The following THSD7B variants were observed in gnomAD, a reference collection of about 807,000 sequenced individuals.
THSD7B encodes thrombospondin type-1 domain-containing protein 7B.
Under a neutral mutation model 213.6 loss-of-function variants are expected in THSD7B, and 138 were observed. The ratio of observed to expected loss-of-function variants is 0.65; its 90% CI spans 0.56 to 0.74. THSD7B has a LOEUF of 0.74. Ranked by LOEUF, THSD7B falls within the 30% of genes least tolerant of loss-of-function variation. The probability of loss-of-function intolerance (pLI) is 0.00; values close to 1 mark genes in which losing one functional copy is unlikely to be tolerated. For synonymous variants in THSD7B, 742 were observed against 687.0 expected, an observed-to-expected ratio of 1.08 and a Z score of -1.25; for missense variants, 1,931 against 1,991.5, an observed-to-expected ratio of 0.97 and a Z score of 0.58.
chr2:137,410,872 G>A (rs1686637840), intron 13 of THSD7B, among the ~76,000 whole-genome samples: 1 of 152,204 alleles, frequency 6.6e-6, no homozygotes, highest in Non-Finnish European at 1.5e-5. Flanking sequence ...TAACAGCAAA[G>A]TTGAATCAAG....
chr2:137,463,926 C>T (rs1415408804), intron 15 of THSD7B, among the ~76,000 whole-genome samples: 1 of 152,070 alleles, frequency 6.6e-6, no homozygotes, highest in East Asian at 1.9e-4. Context: ...CTGACTAAAA[C>T]TGGCTTAAAG....
At position 137,291,193 on chromosome 2, in the gene THSD7B, AC is replaced by A. The variant is rs532958214; in HGVS notation, c.2500+15168del. ...TAACCTGGAAATCTTACCTTTCTTA[AC>A]TTGTTGGAATCCTATGTCCTGTCCT... On this transcript the variant is annotated intron_variant, in intron 12 of 27. Coordinates refer to ENST00000409968, the MANE Select transcript of THSD7B (RefSeq NM_001316349.2). Among the ~76,000 whole-genome samples the A allele has an allele frequency of 5.6e-4, 85 of 152,154 alleles. No homozygotes were observed. In the East Asian group the frequency reaches 0.014, roughly 26 times the overall value.
At chr2:136,947,574 A>C (rs1684966048) in intron 2 of THSD7B, among the ~76,000 whole-genome samples, 1 of 152,150 alleles carries the variant, frequency 6.6e-6, no homozygotes, top group Non-Finnish European at 1.5e-5. Context: ...AGATTATTCT[A>C]TTTGAAGATT....
chr2:137,627,746 A>G (rs1272887036), intron 20 of THSD7B, among the ~76,000 whole-genome samples: 2 of 152,216 alleles, frequency 1.3e-5, no homozygotes, highest in Admixed American at 1.3e-4. Context: ...TCCACAAAGA[A>G]TGTCACTCAT....
chr2:137,093,429 A>G (rs1356930568), intron 3 of THSD7B, among the ~76,000 whole-genome samples: 2 of 152,198 alleles, frequency 1.3e-5, no homozygotes, highest in African/African-American at 2.4e-5. Flanking sequence ...ACTTTGGCCA[A>G]TTTAAAGTTT....
intron 12 of THSD7B, among the ~76,000 whole-genome samples, chr2:137,292,421 G>A (rs1210757011): frequency 6.6e-6 from 1 of 152,088 alleles, no homozygotes; most frequent in African/African-American, 2.4e-5. Flanking sequence ...TGAAACACTT[G>A]TGTAGACTGA....
intron 17 of THSD7B, among the ~76,000 whole-genome samples, chr2:137,600,728 C>A (rs901044918): frequency 6.6e-6 from 1 of 152,074 alleles, no homozygotes; most frequent in Non-Finnish European, 1.5e-5. Context: ...ACAGAGAGAC[C>A]ATTTCAAAAA....
chr2:137,068,338 T>C (rs1447960495), intron 3 of THSD7B, among the ~76,000 whole-genome samples: 1 of 152,154 alleles, frequency 6.6e-6, no homozygotes, highest in Non-Finnish European at 1.5e-5. Flanking sequence ...AACTCTCATT[T>C]AGTCTTCAAA....
chr2:137,379,150 G>A (rs1293552620), intron 12 of THSD7B, among the ~76,000 whole-genome samples: 1 of 152,096 alleles, frequency 6.6e-6, no homozygotes, highest in Non-Finnish European at 1.5e-5. Flanking sequence ...CCTAAATAAA[G>A]TGTTTCCAGG....
chr2:136,899,166 G>T (rs114966466), intron 2 of THSD7B, among the ~76,000 whole-genome samples: 1 of 152,076 alleles, frequency 6.6e-6, no homozygotes, highest in South Asian at 2.1e-4. Context: ...GAGAGGACCT[G>T]GTTCAAATAG....
chr2:137,225,851 T>C (rs1472982082), intron 7 of THSD7B, among the ~76,000 whole-genome samples: 1 of 149,894 alleles, frequency 6.7e-6, no homozygotes, highest in African/African-American at 2.4e-5. Context: ...GAGACATTAA[T>C]TGTGTTGTTA....
At chr2:137,399,190 C>G (rs1240198417) in intron 12 of THSD7B, among the ~76,000 whole-genome samples, 1 of 123,652 alleles carries the variant, frequency 8.1e-6, no homozygotes, top group Non-Finnish European at 1.7e-5. Context: ...GGCTCCTCCC[C>G]ACCCCTTTTT....
intron 2 of THSD7B, among the ~76,000 whole-genome samples, chr2:136,972,528 C>A (rs1217151015): frequency 1.3e-5 from 2 of 152,028 alleles, no homozygotes; most frequent in African/African-American, 4.8e-5. Context: ...AATATTAAGC[C>A]TATTTTAAGT....
chr2:136,874,508 T>A (rs1683493106), intron 1 of THSD7B, among the ~76,000 whole-genome samples: 1 of 152,208 alleles, frequency 6.6e-6, no homozygotes, highest in Admixed American at 6.5e-5. Context: ...CACAGTTTCC[T>A]TTTCTCCCAC....
At chr2:137,423,999 A>C (rs1326989703) in intron 14 of THSD7B, among the ~76,000 whole-genome samples, 1 of 152,172 alleles carries the variant, frequency 6.6e-6, no homozygotes, top group Non-Finnish European at 1.5e-5. Context: ...GCATTTCATA[A>C]ATAAACCCTT....
At chr2:137,165,583 C>A (rs1680111241) in intron 6 of THSD7B, among the ~76,000 whole-genome samples, 1 of 152,026 alleles carries the variant, frequency 6.6e-6, no homozygotes, top group African/African-American at 2.4e-5. Context: ...ACTAAAGATA[C>A]TTCAGAATTC....
chr2:137,553,503 C>T (rs187596328), intron 15 of THSD7B, among the ~76,000 whole-genome samples: 1 of 152,082 alleles, frequency 6.6e-6, no homozygotes, highest in Non-Finnish European at 1.5e-5. Flanking sequence ...AAGACTGACT[C>T]AATGAATGAG....
At chr2:137,321,113 A>G (rs13416645) in intron 12 of THSD7B, among the ~76,000 whole-genome samples, 4,555 of 152,326 alleles carry the variant, frequency 0.03, 226 homozygotes, top group African/African-American at 0.1. Context: ...AAGTCAGCCC[A>G]TATTTATCCC....
chr2:137,304,543 T>C (rs1406734853), intron 12 of THSD7B, among the ~76,000 whole-genome samples: 1 of 152,166 alleles, frequency 6.6e-6, no homozygotes, highest in Non-Finnish European at 1.5e-5. Flanking sequence ...GGGATAATTA[T>C]TACACTTAAT....
Sources: allele counts gnomAD v4.1 joint callset (sites outside exome capture counted in the v4.1 genomes callset), GRCh38; gene constraint gnomAD v4.1.1; transcripts MANE v1.5; gene names NCBI Gene and HGNC (gene_info 2026-07-23, HGNC 2026-07-21).